ZNF385D: variants seen among roughly 807,000 people sequenced by gnomAD.
ZNF385D encodes zinc finger protein 659.
In ZNF385D, 15 loss-of-function variants were observed where a neutral mutation model predicts 35.8. The ratio of observed to expected loss-of-function variants is 0.42; its 90% CI spans 0.28 to 0.64. The LOEUF is 0.64. Ranked by LOEUF, ZNF385D falls within the 30% of genes least tolerant of loss-of-function variation. The pLI is 0.23. For missense variants in ZNF385D, 474 were observed against 494.6 expected, an observed-to-expected ratio of 0.96 and a Z score of 0.39; for synonymous variants, 212 against 186.8, an observed-to-expected ratio of 1.13 and a Z score of -1.10.
intron 4 of ZNF385D, among the ~76,000 whole-genome samples, chr3:21,488,739 A>G (rs1705207949): frequency 6.6e-6 from 1 of 152,118 alleles, no homozygotes; most frequent in African/African-American, 2.4e-5. Context: ...GAAGAGACTT[A>G]GGCCCACTGG....
intron 3 of ZNF385D, among the ~76,000 whole-genome samples, chr3:21,556,482 C>G (rs1259876971): frequency 1.3e-5 from 2 of 152,232 alleles, no homozygotes; most frequent in East Asian, 1.9e-4. Flanking sequence ...AATAGGGAAG[C>G]CTTTCCCCAT....
At chr3:21,669,952 T>A (rs1393801170) in intron 1 of ZNF385D, among the ~76,000 whole-genome samples, 1 of 152,224 alleles carries the variant, frequency 6.6e-6, no homozygotes, top group Non-Finnish European at 1.5e-5. Flanking sequence ...CTTGAACTTC[T>A]GCACTCAATC....
chr3:21,896,004 T>A (rs1296632201), intron 3 of ZNF385D, among the ~76,000 whole-genome samples: 1 of 152,190 alleles, frequency 6.6e-6, no homozygotes, highest in African/African-American at 2.4e-5. Context: ...ATTATTTTAA[T>A]TAGAGAAATA....
intron 3 of ZNF385D, among the ~76,000 whole-genome samples, chr3:22,020,896 T>C (rs578190683): frequency 6.6e-6 from 1 of 152,076 alleles, no homozygotes; most frequent in African/African-American, 2.4e-5. Context: ...AACAGGTCAT[T>C]AGATAAGGAA....
chr3:21,589,541 A>C (rs2125727656), intron 2 of ZNF385D, among the ~76,000 whole-genome samples: 1 of 152,322 alleles, frequency 6.6e-6, no homozygotes, highest in South Asian at 2.1e-4. Context: ...AAGACAAAAA[A>C]AGCTTGCAAC....
intron 2 of ZNF385D, among the ~76,000 whole-genome samples, chr3:22,269,902 T>A (rs1009998054): frequency 6.6e-6 from 1 of 151,820 alleles, no homozygotes; most frequent in Non-Finnish European, 1.5e-5. Context: ...GATCTGGTAA[T>A]CCGCTATTTT....
rs200872760 is a variant in ZNF385D at position 21,746,870 on chromosome 3, T to TAG, written c.22+4023_22+4024dup. Among the ~76,000 whole-genome samples the TAG allele has an allele frequency of 3.1e-3, 470 of 152,268 alleles. 4 individuals are homozygous for TAG. The highest frequency in any genetic ancestry group is 0.011 in the African/African-American group (446 of 41,562). On this transcript the variant is annotated intron_variant, in intron 1 of 7. Transcript: ENST00000281523. ...CCATTTAAATATTTTTCTAACACAC[T>TAG]AGTTTGGAGGTGAACTTGATGGTCC...
At chr3:22,245,061 T>C (rs994878054) in intron 2 of ZNF385D, among the ~76,000 whole-genome samples, 2 of 152,160 alleles carry the variant, frequency 1.3e-5, no homozygotes, top group African/African-American at 4.8e-5. Flanking sequence ...AGACGATCTA[T>C]GCTGTATAAG....
intron 3 of ZNF385D, among the ~76,000 whole-genome samples, chr3:22,048,185 T>C (rs1478541507): frequency 6.6e-6 from 1 of 152,156 alleles, no homozygotes; most frequent in Admixed American, 6.5e-5. Context: ...TCCTTTTCTG[T>C]AGGCTGTCTC....
chr3:21,467,154 A>T (rs1242262472), intron 4 of ZNF385D, among the ~76,000 whole-genome samples: 1 of 152,226 alleles, frequency 6.6e-6, no homozygotes, highest in Non-Finnish European at 1.5e-5. Context: ...AGGAAACTTA[A>T]GTCAGTAATA....
chr3:21,673,260 A>G (rs2066629005), intron 1 of ZNF385D, among the ~76,000 whole-genome samples: 1 of 152,178 alleles, frequency 6.6e-6, no homozygotes, highest in African/African-American at 2.4e-5. Flanking sequence ...ACAATAAAAA[A>G]AATTCAGTTA....
chr3:22,261,327 A>G (rs1201556193), intron 2 of ZNF385D, among the ~76,000 whole-genome samples: 1 of 152,048 alleles, frequency 6.6e-6, no homozygotes, highest in African/African-American at 2.4e-5. Context: ...TAATATAAGA[A>G]AAATAATTTA....
intron 3 of ZNF385D, among the ~76,000 whole-genome samples, chr3:21,859,265 T>C (rs922097523): frequency 5.3e-5 from 8 of 151,996 alleles, no homozygotes; most frequent in Non-Finnish European, 8.8e-5. Context: ...CTTTATACCC[T>C]GCCCGCAGAT....
chr3:22,068,250 A>T (rs909714410), intron 3 of ZNF385D, among the ~76,000 whole-genome samples: 2 of 152,074 alleles, frequency 1.3e-5, no homozygotes, highest in Non-Finnish European at 2.9e-5. Context: ...TGTGATGCTA[A>T]TTCTATTCTT....
chr3:21,904,965 G>C (rs1485319959), intron 3 of ZNF385D, among the ~76,000 whole-genome samples: 2 of 151,816 alleles, frequency 1.3e-5, no homozygotes, highest in African/African-American at 4.8e-5. Flanking sequence ...AAAGAAAAAA[G>C]AATATTTTTG....
intron 3 of ZNF385D, among the ~76,000 whole-genome samples, chr3:22,026,140 C>T (rs1697536259): frequency 6.6e-6 from 1 of 152,068 alleles, no homozygotes; most frequent in Admixed American, 6.6e-5. Flanking sequence ...TGATAGGAAG[C>T]CTACTGCATT....
intron 1 of ZNF385D, among the ~76,000 whole-genome samples, chr3:21,686,321 A>G (rs1445367098): frequency 1.3e-5 from 2 of 152,112 alleles, no homozygotes; most frequent in East Asian, 3.9e-4. Flanking sequence ...GATTATGCGT[A>G]GGTATAAAAA....
At chr3:21,799,699 C>G (rs1559633471) in intron 3 of ZNF385D, among the ~76,000 whole-genome samples, 1 of 152,054 alleles carries the variant, frequency 6.6e-6, no homozygotes. Context: ...ATTCCAGATA[C>G]TTTCTCCCTT....
At chr3:21,496,308 T>A (rs1451979811) in intron 4 of ZNF385D, among the ~76,000 whole-genome samples, 1 of 146,616 alleles carries the variant, frequency 6.8e-6, no homozygotes, top group Non-Finnish European at 1.5e-5. Flanking sequence ...TTATATATAT[T>A]TATTTACTCT....
Sources: allele counts gnomAD v4.1 joint callset (sites outside exome capture counted in the v4.1 genomes callset), GRCh38; gene constraint gnomAD v4.1.1; transcripts MANE v1.5; gene names NCBI Gene and HGNC (gene_info 2026-07-23, HGNC 2026-07-21).